The following SNX29 variants were observed in gnomAD, a reference collection of about 807,000 sequenced individuals.
SNX29 encodes sorting nexin-29.
Under a neutral mutation model 102.1 loss-of-function variants are expected in SNX29, and 78 were observed. That is an observed-to-expected ratio of 0.76 (90% CI 0.64 to 0.92). The LOEUF (loss-of-function observed/expected upper bound fraction) is 0.92, where lower values mean the gene tolerates loss of function less well. SNX29 is among the 40% of genes least tolerant of loss of function. The probability of loss-of-function intolerance (pLI) is 0.00; values close to 1 mark genes in which losing one functional copy is unlikely to be tolerated. For synonymous variants in SNX29, 580 were observed against 414.5 expected, an observed-to-expected ratio of 1.40 and a Z score of -4.85; for missense variants, 1,280 against 1,061.7, an observed-to-expected ratio of 1.21 and a Z score of -2.86.
chr16:12,099,945 C>T (rs1444857421), intron 11 of SNX29, among the ~76,000 whole-genome samples: 5 of 152,130 alleles, frequency 3.3e-5, no homozygotes, highest in Non-Finnish European at 7.3e-5. Context: ...TGTGCAGGCA[C>T]TGTGCTCAGT....
intron 15 of SNX29, among the ~76,000 whole-genome samples, chr16:12,334,337 C>T (rs576133179): frequency 1.6e-4 from 24 of 152,130 alleles, no homozygotes; most frequent in Non-Finnish European, 3.5e-4. Context: ...ACTTTGAGGT[C>T]TGGGGCTTCG....
chr16:12,215,819 A>G (rs1034113709), intron 14 of SNX29, among the ~76,000 whole-genome samples: 3 of 152,158 alleles, frequency 2.0e-5, no homozygotes, highest in African/African-American at 4.8e-5. Flanking sequence ...TGTGGAGCCA[A>G]TTAAGCCAAG....
chr16:12,453,768 A>G (rs2086409123), intron 18 of SNX29, among the ~76,000 whole-genome samples: 1 of 152,054 alleles, frequency 6.6e-6, no homozygotes, highest in Non-Finnish European at 1.5e-5. Context: ...ATTCTGCTTG[A>G]TATTGTCATT....
At chr16:12,390,324 A>G (rs1248401797) in intron 16 of SNX29, among the ~76,000 whole-genome samples, 4 of 152,020 alleles carry the variant, frequency 2.6e-5, no homozygotes, top group Non-Finnish European at 4.4e-5. Context: ...CCCCCGTCGG[A>G]GCACAGACCA....
intron 16 of SNX29, among the ~76,000 whole-genome samples, chr16:12,377,870 A>G (rs898234841): frequency 5.3e-5 from 8 of 152,194 alleles, no homozygotes; most frequent in African/African-American, 1.9e-4. Context: ...ATAGTCCACA[A>G]TCTCTCCTTG....
chr16:12,464,003 C>A (rs34819462), intron 18 of SNX29, among the ~76,000 whole-genome samples: 1 of 152,108 alleles, frequency 6.6e-6, no homozygotes, highest in African/African-American at 2.4e-5. Context: ...CCAACATCAC[C>A]TATCTCCCCT....
At chr16:12,214,989 C>T (rs2077283002) in intron 14 of SNX29, among the ~76,000 whole-genome samples, 1 of 152,154 alleles carries the variant, frequency 6.6e-6, no homozygotes, top group African/African-American at 2.4e-5. Context: ...ACCTAGCTTC[C>T]AAAACAGTGC....
chr16:12,361,764 A>G (rs977899084), intron 16 of SNX29, among the ~76,000 whole-genome samples: 2 of 152,168 alleles, frequency 1.3e-5, no homozygotes, highest in African/African-American at 4.8e-5. Context: ...GTTGGGAAGT[A>G]TCAAAATTTT....
chr16:12,486,837 C>G (rs547034393), intron 19 of SNX29, among the ~76,000 whole-genome samples: 2 of 152,306 alleles, frequency 1.3e-5, no homozygotes, highest in South Asian at 4.1e-4. Flanking sequence ...GAGTGCTGCC[C>G]TCATAGTTCA....
At chr16:12,189,369 T>C (rs2076587492) in intron 13 of SNX29, among the ~76,000 whole-genome samples, 1 of 152,252 alleles carries the variant, frequency 6.6e-6, no homozygotes, top group South Asian at 2.1e-4. Flanking sequence ...GTCTCTTTTC[T>C]TGACTTTCAT....
At chr16:12,564,970 G>A (rs1174748988) in intron 20 of SNX29, among the ~76,000 whole-genome samples, 8 of 151,428 alleles carry the variant, frequency 5.3e-5, no homozygotes, top group Non-Finnish European at 1.0e-4. Context: ...TTGTAAATGT[G>A]AGGCGTTTCA....
At chr16:12,521,243 G>A (rs912895487) in intron 19 of SNX29, among the ~76,000 whole-genome samples, 31 of 152,006 alleles carry the variant, frequency 2.0e-4, no homozygotes, top group African/African-American at 5.8e-4. Flanking sequence ...ACCTGTACCC[G>A]CAAAAATTAT....
chr16:12,172,485 G>A (rs2076171289), intron 13 of SNX29, among the ~76,000 whole-genome samples: 1 of 152,140 alleles, frequency 6.6e-6, no homozygotes, highest in African/African-American at 2.4e-5. Flanking sequence ...TGGCAGAGGG[G>A]TCATCTTGGT....
intron 11 of SNX29, chr16:12,087,184 CAA>C: frequency 6.5e-6 from 1 of 153,348 alleles, no homozygotes; most frequent in South Asian, 2.1e-4. Flanking sequence ...CACCTGAGGT[CAA>C]GAGTTTGAGA....
chr16:12,509,554 C>G (rs1175842273), intron 19 of SNX29, among the ~76,000 whole-genome samples: 1 of 152,198 alleles, frequency 6.6e-6, no homozygotes, highest in Non-Finnish European at 1.5e-5. Context: ...GAGGGGTGTC[C>G]TGGCAGTAAA....
At chr16:12,498,447 A>G (rs2088940399) in intron 19 of SNX29, among the ~76,000 whole-genome samples, 1 of 152,224 alleles carries the variant, frequency 6.6e-6, no homozygotes, top group Non-Finnish European at 1.5e-5. Flanking sequence ...GATGACCAGT[A>G]GCAGGAGACG....
At chr16:12,560,056 G>A (rs940753648) in intron 20 of SNX29, among the ~76,000 whole-genome samples, 7 of 151,936 alleles carry the variant, frequency 4.6e-5, no homozygotes, top group Non-Finnish European at 1.0e-4. Context: ...AAAATGACTA[G>A]AAAACTATGT....
At chr16:12,143,508 C>G (rs376268882) in intron 13 of SNX29, among the ~76,000 whole-genome samples, 19 of 152,286 alleles carry the variant, frequency 1.2e-4, no homozygotes, top group African/African-American at 4.6e-4. Flanking sequence ...TCCACCGCTC[C>G]TAGATGTGGG....
At chr16:12,080,692 CT>C (rs34209588) in intron 11 of SNX29, among the ~76,000 whole-genome samples, 31,988 of 134,404 alleles carry the variant, frequency 0.24, 3,614 homozygotes, top group African/African-American at 0.33. Flanking sequence ...CTACAGTTTA[CT>C]TTTTTTTTTT....
Sources: gnomAD v4.1 joint callset for allele counts (sites outside exome capture counted in the v4.1 genomes callset) on GRCh38, gnomAD v4.1.1 for gene constraint, MANE v1.5 for transcripts, NCBI Gene and HGNC (gene_info 2026-07-23, HGNC 2026-07-21) for gene names.